Variants in CRYBG2 observed in about 807,000 individuals in gnomAD.
CRYBG2 encodes beta/gamma crystallin domain-containing protein 2.
Under a neutral mutation model 153.4 loss-of-function variants are expected in CRYBG2, and 106 were observed. That is an observed-to-expected ratio of 0.69 (90% CI 0.59 to 0.81). The LOEUF is 0.81. Ranked by LOEUF, CRYBG2 falls within the 30% of genes least tolerant of loss-of-function variation. The pLI, the probability that CRYBG2 is intolerant of heterozygous loss-of-function variation, is 0.00. For missense variants in CRYBG2, 1,996 were observed against 2,112.0 expected (o/e 0.95, Z 1.08); for synonymous variants, 851 against 877.8 (o/e 0.97, Z 0.54).
At chr1:26,333,023 A>AAAAAAAAAAAAAAG (rs2074015616) in intron 14 of CRYBG2, among the ~76,000 whole-genome samples, 1 of 131,996 alleles carries the variant, frequency 7.6e-6, no homozygotes, top group African/African-American at 3.1e-5. Context: ...CCAAAAAAAA[A>AAAAAAAAAAAAAAG]AAAAAAAAAA....
At position 26,337,334 on chromosome 1, in the gene CRYBG2, C is replaced by A. The variant is rs757315492; in HGVS notation, c.3690G>T (p.Leu1230=). Residue 1230 remains leucine, a synonymous_variant, in exon 10 of 20, where the codon CTG becomes CTT. Coordinates refer to ENST00000308182, the MANE Select transcript of CRYBG2 (RefSeq NM_001039775.4). The stretch of plus-strand genomic sequence containing the variant: ...AGTCTGGGTATTCCCCCTCCTCCAG[C>A]AGATACTGGTGGCCCCGGAAGCCCT... The part of the protein sequence containing the change: ...EKEGFRGHQY[L]LEEGEYPDWS... 15 of 1,613,930 alleles carry A rather than the reference C, an allele frequency of 9.3e-6. No homozygotes were observed. The highest frequency in any genetic ancestry group is 1.3e-5 in the Non-Finnish European group (15 of 1,179,966).
intron 5 of CRYBG2, among the ~76,000 whole-genome samples, chr1:26,340,981 G>A (rs1196386380): frequency 1.3e-5 from 2 of 151,958 alleles, no homozygotes; most frequent in Non-Finnish European, 2.9e-5. Flanking sequence ...CCTAATGAGC[G>A]CTCATCATCT....
chr1:26,348,742 G>A (rs1250643039), intron 1 of CRYBG2, among the ~76,000 whole-genome samples: 1 of 151,886 alleles, frequency 6.6e-6, no homozygotes, highest in Non-Finnish European at 1.5e-5. Context: ...TTTTAGTAGA[G>A]ATGGGGTTTC....
chr1:26,346,055 C>T lies in CRYBG2; in HGVS notation c.603G>A (p.Val201=), dbSNP rs769194577. 2 of 1,588,734 alleles carry T rather than the reference C, an allele frequency of 1.3e-6. No individual in the cohort carries two copies. The highest frequency in any genetic ancestry group is 1.7e-5 in the Admixed American group (1 of 59,158). ...RMSSSVTVRP[V]SSGEALPRGR... ...CCCGTGGCAGGGCCTCGCCTGAGGA[C>T]ACTGGCCTCACAGTCACAGAGCTGC... The change falls in exon 2 of 20, where the codon GTG becomes GTA. Residue 201 remains valine, a synonymous_variant. Transcript: ENST00000308182. The surrounding 1 kb of genome is among the most constrained non-coding windows in gnomAD (Gnocchi z 4.9).
intron 17 of CRYBG2, among the ~76,000 whole-genome samples, chr1:26,326,434 A>T (rs2073927866): frequency 6.6e-6 from 1 of 151,604 alleles, no homozygotes; most frequent in Admixed American, 6.6e-5. Flanking sequence ...GCTACTCAGG[A>T]GGCTGAGGCA....
chr1:26,337,291 A>G lies in CRYBG2; in HGVS notation c.3733T>C (p.Tyr1245His). ...EYPDWSHWGG[Y>H]DELLTSLRVI... Reference sequence around the variant, plus strand: ...CGGAGGGAGGTCAGCAACTCGTCATAGCCTCCCCAGTGTGACCAGTCTGGG... The same window carrying G: ...CGGAGGGAGGTCAGCAACTCGTCATGGCCTCCCCAGTGTGACCAGTCTGGG... Residue 1245 changes from tyrosine to histidine, a missense_variant, in exon 10 of 20, where the codon TAT (tyrosine) becomes CAT (histidine). By Grantham distance (83) the Tyr-to-His change is moderately conservative. Coordinates refer to ENST00000308182, the MANE Select transcript of CRYBG2 (RefSeq NM_001039775.4). 6.2e-7 allele frequency: 1 copy of G among 1,613,998 alleles called. No homozygotes were observed. Among genetic ancestry groups the G allele is most frequent in the Non-Finnish European group, 8.5e-7 (1 of 1,179,972 alleles).
chr1:26,334,896 T>A (rs2074036214), intron 14 of CRYBG2, among the ~76,000 whole-genome samples: 1 of 152,014 alleles, frequency 6.6e-6, no homozygotes, highest in Non-Finnish European at 1.5e-5. Context: ...CACTCCAGTC[T>A]GGGCGACAGA....
rs180797377 is a variant in CRYBG2, at chr1:26,344,696, G to A, written c.1962C>T (p.Ser654=). ...CTTCCTTGGTGAGGGGCGGGGCAAG[G>A]CTGCCTGCAATACCCTGGACAGCCT... ...QKEAVQGIAG[S]LAPPLTKEET... is the part of the protein sequence containing the mutation. Residue 654 remains serine (S), a synonymous_variant, in exon 2 of 20, where the codon AGC becomes AGT. Transcript: ENST00000308182. 8.7e-5 allele frequency: 134 copies of A among 1,533,108 alleles called. No homozygotes were observed. The African/African-American group carries it at 1.4e-3, about 16-fold the overall frequency. The allele number at this position is 1,533,108 out of a possible 1,614,324, so 95.0% of individuals were successfully genotyped here.
intron 6 of CRYBG2, 133 bp from the exon 7 acceptor site, chr1:26,338,610 T>G: frequency 9.8e-5 from 96 of 979,564 alleles, no homozygotes; most frequent in Non-Finnish European, 1.2e-4. Flanking sequence ...GTATAATCTC[T>G]TGCAGTAGCC....
chr1:26,336,227 A>C lies in CRYBG2; in HGVS notation c.4072-20T>G. ...CTGAATCTGGAGGCAGAGAGGGGAGATGAGGGGAAGGAGGACGATGGAGTG... is the reference window on the plus strand; with the variant it reads ...CTGAATCTGGAGGCAGAGAGGGGAGCTGAGGGGAAGGAGGACGATGGAGTG... On this transcript the variant is annotated intron_variant, in intron 13 of 19. Transcript: ENST00000308182. The surrounding 1 kb of genome is among the most constrained non-coding windows in gnomAD (Gnocchi z 4.9). 1.3e-6 allele frequency: 2 copies of C among 1,565,786 alleles called. No homozygotes were observed. Among genetic ancestry groups the C allele is most frequent in the Non-Finnish European group, 1.7e-6 (2 of 1,153,064 alleles).
Position 26,343,605 on chromosome 1 carries a change from G to A in CRYBG2, c.2913+140C>T, listed in dbSNP as rs968670672. ...ATTGAGGCCCAGAGAGATGTGGCTTGCACAGGTCAACTGAACCAGACTTCA... is the reference window on the plus strand; with the variant it reads ...ATTGAGGCCCAGAGAGATGTGGCTTACACAGGTCAACTGAACCAGACTTCA... On this transcript the variant is annotated intron_variant, in intron 2 of 19. Coordinates refer to ENST00000308182, the MANE Select transcript of CRYBG2 (RefSeq NM_001039775.4). This position sits in a 1 kb window ranked among gnomAD's most constrained non-coding sequence, Gnocchi z 4.1. 1 of 1,146,588 alleles carries A rather than the reference G, an allele frequency of 8.7e-7. No individual in the cohort carries two copies. The highest frequency in any genetic ancestry group is 1.2e-6 in the Non-Finnish European group (1 of 839,656). 71.0% of individuals were successfully genotyped at this position (1,146,588 alleles called of 1,614,324 possible).
chr1:26,322,079 A>G (rs1313143817), intron 19 of CRYBG2, 23 bp from the exon 20 acceptor site: 1 of 1,603,000 alleles, frequency 6.2e-7, no homozygotes, highest in African/African-American at 1.3e-5. Flanking sequence ...TGGGGATTAA[A>G]AGATAGGGAG....
intron 14 of CRYBG2, 29 bp from the exon 15 acceptor site, chr1:26,331,647 C>A (rs1395168929): frequency 6.2e-7 from 1 of 1,610,104 alleles, no homozygotes; most frequent in Non-Finnish European, 8.5e-7. Flanking sequence ...TGGAGGGTAT[C>A]TGAGCCTACC....
In CRYBG2 at chr1:26,338,065, C is replaced by G. The variant is rs376978139; in HGVS notation, c.3472-18G>C. The G allele has an allele frequency of 2.5e-6, 4 of 1,611,856 alleles. No homozygotes were observed. In the African/African-American group the frequency reaches 5.3e-5, roughly 22 times the overall value. On this transcript the variant is annotated intron_variant, in intron 7 of 19. Coordinates refer to ENST00000308182, the MANE Select transcript of CRYBG2 (RefSeq NM_001039775.4). ...GGGCAGCCCTGCAGAGGAGACAGAG[C>G]TGAGACACCAGCCCAGAGATGGGAA...
Position 26,346,513 on chromosome 1 carries a change from C to A in CRYBG2, c.145G>T (p.Ala49Ser). ...VSLVSGAQME[A>S]PQKEMFEFSR... ...AACTCAAACATCTCCTTCTGCGGGG[C>A]TTCCATCTGGGCCCCTGACACCAGG... Residue 49 changes from alanine (A) to serine (S), a missense_variant, in exon 2 of 20, where the codon GCC becomes TCC. Ala to Ser is a moderately conservative substitution (Grantham distance 99, BLOSUM62 1). Coordinates refer to ENST00000308182, the MANE Select transcript of CRYBG2 (RefSeq NM_001039775.4). This position sits in a 1 kb window ranked among gnomAD's most constrained non-coding sequence, Gnocchi z 4.9. The A allele has an allele frequency of 1.2e-6, 2 of 1,613,452 alleles. No homozygotes were observed. The highest frequency in any genetic ancestry group is 1.7e-6 in the Non-Finnish European group (2 of 1,179,816).
At position 26,336,364 on chromosome 1, in the gene CRYBG2, C is replaced by A; in HGVS notation, c.4045G>T (p.Glu1349Ter). Residue 1349 changes from glutamate to a stop codon, truncating the protein, a stop_gained, in exon 13 of 20, where the codon GAG becomes TAG. Coordinates refer to ENST00000308182, the MANE Select transcript of CRYBG2 (RefSeq NM_001039775.4). LOFTEE classifies it high-confidence loss of function. This position sits in a 1 kb window ranked among gnomAD's most constrained non-coding sequence, Gnocchi z 4.9. ...TTTGAGACGAAGTGCAGATCGTGCT[C>A]CCCGACCTGAAGGTAGGGACCGAAT... ...ASLQPVLQVG[E>*]HDLHFVSKIQ... is the part of the protein sequence containing the mutation. 1 of 1,613,432 alleles carries A rather than the reference C, an allele frequency of 6.2e-7. No individual in the cohort carries two copies. Among genetic ancestry groups the A allele is most frequent in the Non-Finnish European group, 8.5e-7 (1 of 1,179,668 alleles).
At chr1:26,330,912 T>G (rs1570174526) in intron 15 of CRYBG2, among the ~76,000 whole-genome samples, 2 of 152,198 alleles carry the variant, frequency 1.3e-5, no homozygotes, top group South Asian at 4.1e-4. Flanking sequence ...GACTGGGTAC[T>G]GCCCCCACTG....
rs2073910840 is a variant in CRYBG2, at chr1:26,325,358, G to T, written c.4579-1048C>A. ...GGATCACCTGAGGTCAGGAGTTCGA[G>T]GTCAGCCTGGCCAACATGGCAAAAC... On this transcript the variant is annotated intron_variant, in intron 17 of 19. Coordinates refer to ENST00000308182, the MANE Select transcript of CRYBG2 (RefSeq NM_001039775.4). This position sits in a 1 kb window ranked among gnomAD's most constrained non-coding sequence, Gnocchi z 4.1. Among the ~76,000 whole-genome samples the T allele has an allele frequency of 6.6e-6, 1 of 152,200 alleles. No homozygotes were observed. The highest frequency in any genetic ancestry group is 6.5e-5 in the Admixed American group (1 of 15,282).
At chr1:26,328,511 G>A (rs1206321119) in intron 16 of CRYBG2, 179 bp from the exon 17 acceptor site, 34 of 1,168,864 alleles carry the variant, frequency 2.9e-5, no homozygotes, top group Non-Finnish European at 3.8e-5. Context: ...TAGATTTGGG[G>A]TTTTCAGGGT....
Sources: allele counts gnomAD v4.1 joint callset (sites outside exome capture counted in the v4.1 genomes callset), GRCh38; gene constraint gnomAD v4.1.1; non-coding constraint Gnocchi (gnomAD v3.1); transcripts MANE v1.5; gene names NCBI Gene and HGNC (gene_info 2026-07-23, HGNC 2026-07-21).